SEMA3E: variants seen among roughly 807,000 people sequenced by gnomAD.
SEMA3E encodes semaphorin 3E.
Under a neutral mutation model 93.6 loss-of-function variants are expected in SEMA3E, and 49 were observed. The ratio of observed to expected loss-of-function variants is 0.52; its 90% CI spans 0.42 to 0.66. The LOEUF (loss-of-function observed/expected upper bound fraction) is 0.66. SEMA3E is among the 30% of genes least tolerant of loss of function. The pLI is 0.00. For synonymous variants in SEMA3E, 363 were observed against 330.7 expected (o/e 1.10, Z -1.06); for missense variants, 906 against 964.8 (o/e 0.94, Z 0.81).
At chr7:83,388,321 AT>A (rs1392452034) in intron 14 of SEMA3E, among the ~76,000 whole-genome samples, 4 of 50,644 alleles carry the variant, frequency 7.9e-5, no homozygotes, top group Non-Finnish European at 3.7e-4. Context: ...AAATAAAAAA[AT>A]AAAAAAAAAT....
intron 1 of SEMA3E, among the ~76,000 whole-genome samples, chr7:83,633,077 C>T (rs557368713): frequency 3.3e-5 from 5 of 152,024 alleles, no homozygotes; most frequent in South Asian, 2.1e-4. Context: ...TGAAATAAGA[C>T]GTAAAATGCT....
rs531796499 is a variant in SEMA3E at position 83,424,294 on chromosome 7, G to A, written c.457-5811C>T. Reference sequence around the variant, plus strand: ...GAAGAGGTGCTTTGAACACATGAAAGCACTATAATTCCTCTGTCTAATCAC... The same window carrying A: ...GAAGAGGTGCTTTGAACACATGAAAACACTATAATTCCTCTGTCTAATCAC... On this transcript the variant is annotated intron_variant, in intron 4 of 16. Transcript: ENST00000643230. Among the ~76,000 whole-genome samples, 3 of 152,264 alleles carry A rather than the reference G, an allele frequency of 2.0e-5. No individual in the cohort carries two copies. The East Asian group carries it at 5.8e-4, about 29-fold the overall frequency.
intron 1 of SEMA3E, among the ~76,000 whole-genome samples, chr7:83,636,576 G>C (rs1451994961): frequency 1.3e-5 from 2 of 152,052 alleles, no homozygotes; most frequent in Admixed American, 6.5e-5. Context: ...AGTATTTTCA[G>C]ACTCTAATTG....
Position 83,500,751 on chromosome 7 carries a change from C to A in SEMA3E, c.116-10477G>T, listed in dbSNP as rs1043894709. Among the ~76,000 whole-genome samples, 4 of 151,918 alleles carry A rather than the reference C, an allele frequency of 2.6e-5. No individual in the cohort carries two copies. In the South Asian group the frequency reaches 6.2e-4, roughly 24 times the overall value. On this transcript the variant is annotated intron_variant, in intron 1 of 16. Coordinates refer to ENST00000643230, the MANE Select transcript of SEMA3E (RefSeq NM_012431.3). ...GGGATTATAGGCATACGCCACCATA[C>A]CCGGCTGATGTTTGTATTTGGTAGA... is the stretch of plus-strand genomic sequence containing the variant.
chr7:83,481,397 T>G (rs1368977449), intron 2 of SEMA3E, among the ~76,000 whole-genome samples: 2 of 152,142 alleles, frequency 1.3e-5, no homozygotes, highest in Non-Finnish European at 2.9e-5. Context: ...AAAAACACGT[T>G]TTTTTTCAAT....
intron 1 of SEMA3E, among the ~76,000 whole-genome samples, chr7:83,609,843 T>C (rs1789961579): frequency 6.6e-6 from 1 of 151,960 alleles, no homozygotes; most frequent in South Asian, 2.1e-4. Flanking sequence ...ATGTACTGAA[T>C]GCTTACTTTA....
intron 1 of SEMA3E, among the ~76,000 whole-genome samples, chr7:83,621,955 CA>C (rs1793569246): frequency 6.6e-6 from 1 of 151,916 alleles, no homozygotes; most frequent in South Asian, 2.1e-4. Context: ...ATGAAAACAC[CA>C]AAAGCAATTG....
At chr7:83,437,254 G>A (rs1222170375) in intron 4 of SEMA3E, among the ~76,000 whole-genome samples, 2 of 152,006 alleles carry the variant, frequency 1.3e-5, no homozygotes, top group African/African-American at 4.8e-5. Flanking sequence ...TAATAATAAA[G>A]TTTGATTATC....
chr7:83,581,363 T>C (rs1011517230), intron 1 of SEMA3E, among the ~76,000 whole-genome samples: 1 of 152,000 alleles, frequency 6.6e-6, no homozygotes, highest in African/African-American at 2.4e-5. Flanking sequence ...TCTTTAATTA[T>C]TTTTCTTGTA....
intron 16 of SEMA3E, among the ~76,000 whole-genome samples, chr7:83,377,449 T>C (rs563134819): frequency 5.9e-5 from 9 of 152,126 alleles, no homozygotes; most frequent in East Asian, 1.9e-4. Context: ...GACTTTGCAG[T>C]TGTAGCCTAA....
At chr7:83,442,241 T>C (rs971306034) in intron 4 of SEMA3E, among the ~76,000 whole-genome samples, 12 of 152,214 alleles carry the variant, frequency 7.9e-5, no homozygotes, top group Admixed American at 3.3e-4. Flanking sequence ...TATTATGTCC[T>C]ATTTCCATTT....
chr7:83,568,784 C>T (rs1792214909), intron 1 of SEMA3E, among the ~76,000 whole-genome samples: 1 of 151,976 alleles, frequency 6.6e-6, no homozygotes, highest in Non-Finnish European at 1.5e-5. Flanking sequence ...GAGAAAAAAG[C>T]TGAAAACCTT....
intron 4 of SEMA3E, among the ~76,000 whole-genome samples, chr7:83,422,331 G>A (rs1346386296): frequency 1.3e-5 from 2 of 152,194 alleles, no homozygotes; most frequent in Non-Finnish European, 2.9e-5. Flanking sequence ...ATGAATGGCA[G>A]TAGAGAGATG....
At chr7:83,643,160 A>G (rs577546483) in intron 1 of SEMA3E, among the ~76,000 whole-genome samples, 95 of 152,180 alleles carry the variant, frequency 6.2e-4, no homozygotes, top group Non-Finnish European at 1.1e-3. Context: ...TGAGGCCACC[A>G]AGTGATCTCA....
chr7:83,434,807 G>A (rs940140000), intron 4 of SEMA3E, among the ~76,000 whole-genome samples: 10 of 146,202 alleles, frequency 6.8e-5, no homozygotes, highest in Admixed American at 4.9e-4. Context: ...TCCGCCTCCC[G>A]GGTTCACGCC....
intron 16 of SEMA3E, chr7:83,372,554 A>T (rs148198796): frequency 4.7e-4 from 139 of 296,026 alleles, no homozygotes; most frequent in African/African-American, 2.7e-3. Context: ...AGCAGGGTTT[A>T]AAAAAAATCA....
chr7:83,363,904 T>C lies in SEMA3E; in HGVS notation c.*3682A>G, dbSNP rs1440360543. ...TTTTTTTTTTTTTTTTTTTTTTTTTTTGAGACGGAGTCTCGCTCTGTCGCC... is the reference window on the plus strand; with the variant it reads ...TTTTTTTTTTTTTTTTTTTTTTTTTCTGAGACGGAGTCTCGCTCTGTCGCC... On this transcript the variant is annotated 3_prime_UTR_variant, in exon 17 of 17. Coordinates refer to ENST00000643230, the MANE Select transcript of SEMA3E (RefSeq NM_012431.3). The C allele has an allele frequency of 1.2e-5, 1 of 86,392 alleles. No homozygotes were observed. Among genetic ancestry groups the C allele is most frequent in the African/African-American group, 4.0e-5 (1 of 24,786 alleles). The allele number at this position is 86,392 out of a possible 1,614,324, so 5.4% of individuals were successfully genotyped here. A position where few individuals can be genotyped will look rare whatever the true frequency, so the allele number is the denominator to read the frequency against.
intron 1 of SEMA3E, among the ~76,000 whole-genome samples, chr7:83,528,531 T>C (rs1791217736): frequency 6.6e-6 from 1 of 152,124 alleles, no homozygotes; most frequent in South Asian, 2.1e-4. Flanking sequence ...ATTGCCAAAA[T>C]TTCTTTATAA....
rs140007681 is a variant in SEMA3E at position 83,582,675 on chromosome 7, C to T, written c.115+65753G>A. The stretch of plus-strand genomic sequence containing the variant: ...AATATCTATTTGGATTGGCAGATGC[C>T]GGAGGAATTAAATTGTCCAGTTATA... On this transcript the variant is annotated intron_variant, in intron 1 of 16. Transcript: ENST00000643230. 1.5e-4 allele frequency among the ~76,000 whole-genome samples: 23 copies of T among 152,116 alleles called. No individual in the cohort carries two copies. In the East Asian group the frequency reaches 2.3e-3, roughly 15 times the overall value.
Sources: gnomAD v4.1 joint callset for allele counts (sites outside exome capture counted in the v4.1 genomes callset) on GRCh38, gnomAD v4.1.1 for gene constraint, MANE v1.5 for transcripts, NCBI Gene and HGNC (gene_info 2026-07-23, HGNC 2026-07-21) for gene names.